EXOC5: variants seen among roughly 807,000 people sequenced by gnomAD.
EXOC5 encodes SEC10-like 1.
EXOC5 carries 17 observed loss-of-function variants against 90.8 expected under a neutral mutation model. The observed-to-expected ratio is 0.19, with a 90% CI of 0.13 to 0.28. The LOEUF is 0.28. EXOC5 is among the 10% of genes least tolerant of loss of function. EXOC5 has a pLI of 1.00. For synonymous variants in EXOC5, 260 were observed against 270.0 expected (o/e 0.96, Z 0.36); for missense variants, 569 against 830.6 (o/e 0.69, Z 3.87).
intron 1 of EXOC5, among the ~76,000 whole-genome samples, chr14:57,265,796 A>G (rs181183440): frequency 1.2e-4 from 18 of 152,360 alleles, no homozygotes; most frequent in Admixed American, 5.9e-4. Flanking sequence ...TCTACACCAC[A>G]TAAGAATCCT....
At chr14:57,252,727 G>A (rs749234164) in intron 1 of EXOC5, among the ~76,000 whole-genome samples, 7 of 152,074 alleles carry the variant, frequency 4.6e-5, no homozygotes, top group South Asian at 2.1e-4. Context: ...ATGTTATGGC[G>A]GTTCCTGAAA....
intron 4 of EXOC5, among the ~76,000 whole-genome samples, chr14:57,242,682 C>T (rs1312231564): frequency 6.6e-6 from 1 of 152,106 alleles, no homozygotes; most frequent in Non-Finnish European, 1.5e-5. Flanking sequence ...GTGCTTTTTC[C>T]TTTTCTTTCC....
At chr14:57,251,122 G>T (rs1218696111) in intron 1 of EXOC5, among the ~76,000 whole-genome samples, 1 of 152,160 alleles carries the variant, frequency 6.6e-6, no homozygotes, top group East Asian at 1.9e-4. Context: ...ATCTTCCCAG[G>T]GGAAGGCTTA....
chr14:57,267,703 T>TA (rs1555330790), intron 1 of EXOC5, among the ~76,000 whole-genome samples: 1 of 152,230 alleles, frequency 6.6e-6, no homozygotes, highest in Non-Finnish European at 1.5e-5. Context: ...TTTCCTATTC[T>TA]ATTATCTCAA....
At chr14:57,232,249 G>C (rs935292244) in intron 10 of EXOC5, 22 of 153,078 alleles carry the variant, frequency 1.4e-4, no homozygotes, top group Non-Finnish European at 2.5e-4. Flanking sequence ...GAAAAGTCAA[G>C]GAAAAAAAAA....
At chr14:57,245,850 CAAGACAA>C (rs1210515128) in intron 3 of EXOC5, among the ~76,000 whole-genome samples, 2 of 151,990 alleles carry the variant, frequency 1.3e-5, no homozygotes, top group Non-Finnish European at 2.9e-5. Context: ...GTCAGGAGTT[CAAGACAA>C]ACCTGGCCAA....
intron 1 of EXOC5, among the ~76,000 whole-genome samples, chr14:57,258,684 C>G (rs1350340066): frequency 6.6e-6 from 1 of 152,208 alleles, no homozygotes; most frequent in African/African-American, 2.4e-5. Context: ...TATCCCAGAA[C>G]TTAATGGTAT....
intron 12 of EXOC5, among the ~76,000 whole-genome samples, chr14:57,229,470 T>A (rs1883411037): frequency 6.6e-6 from 1 of 152,094 alleles, no homozygotes; most frequent in Non-Finnish European, 1.5e-5. Flanking sequence ...ACTGTCATCA[T>A]CCCCTAAACA....
At chr14:57,238,383 C>CAT (rs1566499038) in intron 5 of EXOC5, among the ~76,000 whole-genome samples, 1 of 142,288 alleles carries the variant, frequency 7.0e-6, no homozygotes, top group African/African-American at 2.5e-5. Context: ...TATACACACA[C>CAT]ACACACACAC....
At chr14:57,262,732 C>T (rs1251674871) in intron 1 of EXOC5, among the ~76,000 whole-genome samples, 16 of 144,088 alleles carry the variant, frequency 1.1e-4, no homozygotes, top group African/African-American at 3.9e-4. Context: ...TGTATATATA[C>T]GTATATATGT....
At chr14:57,224,139 G>A (rs1166287832) in intron 12 of EXOC5, among the ~76,000 whole-genome samples, 1 of 151,974 alleles carries the variant, frequency 6.6e-6, no homozygotes, top group African/African-American at 2.4e-5. Flanking sequence ...AATGACCTCA[G>A]CTTCCACCTT....
Position 57,229,758 on chromosome 14 carries a change from T to C in EXOC5, c.1272A>G (p.Lys424=). ...EVVVNLLQET[K]QAFERCHRLS... ...CCCTATGACATCTTTCAAAGGCTTG[T>C]TTGGTTTCTTGTAAAAGATTAACCA... The change falls in exon 12 of 18, where the codon AAA becomes AAG. Residue 424 remains lysine (K), a synonymous_variant. Coordinates refer to ENST00000621441, the MANE Select transcript of EXOC5 (RefSeq NM_006544.4). 1 of 1,524,686 alleles carries C rather than the reference T, an allele frequency of 6.6e-7. No homozygotes were observed. The highest frequency in any genetic ancestry group is 1.4e-5 in the African/African-American group (1 of 72,938). 94.4% of individuals were successfully genotyped at this position (1,524,686 alleles called of 1,614,324 possible). A position where few individuals can be genotyped will look rare whatever the true frequency, so the allele number is the denominator to read the frequency against.
In EXOC5 at chr14:57,219,339, G is replaced by A. The variant is rs769675794; in HGVS notation, c.1509C>T (p.His503=). Reference sequence around the variant, plus strand: ...TGACTAACCTTATTAGTGGCATAAGGTGATCATTAAACTGTTTGTCAAAAA... The same window carrying A: ...TGACTAACCTTATTAGTGGCATAAGATGATCATTAAACTGTTTGTCAAAAA... The part of the protein sequence containing the change: ...FHLFDKQFND[H]LMPLISSSPK... The change falls in exon 14 of 18, where the codon CAC becomes CAT. Residue 503 remains histidine, a synonymous_variant. Transcript: ENST00000621441. 9 of 1,524,530 alleles carry A rather than the reference G, an allele frequency of 5.9e-6. No homozygotes were observed. In the Admixed American group the frequency reaches 8.5e-5, roughly 14 times the overall value. 94.4% of individuals were successfully genotyped at this position (1,524,530 alleles called of 1,614,324 possible).
intron 12 of EXOC5, among the ~76,000 whole-genome samples, chr14:57,228,019 C>T (rs1040944140): frequency 1.3e-5 from 2 of 151,606 alleles, no homozygotes; most frequent in Non-Finnish European, 2.9e-5. Flanking sequence ...CATACACACA[C>T]ACACACACAC....
In EXOC5 at chr14:57,209,445, T is replaced by C. The variant is rs1391036842; in HGVS notation, c.1938+122A>G. 4 of 576,590 alleles carry C rather than the reference T, an allele frequency of 6.9e-6. No homozygotes were observed. In the South Asian group the frequency reaches 1.0e-4, roughly 15 times the overall value. The allele number at this position is 576,590 out of a possible 1,614,324, so 35.7% of individuals were successfully genotyped here. A position where few individuals can be genotyped will look rare whatever the true frequency, so the allele number is the denominator to read the frequency against. ...GTTTCAGGTAGAATGTGATAATCTA[T>C]CTCATACAATATCAACAAAAGTTAT... is the stretch of plus-strand genomic sequence containing the variant. On this transcript the variant is annotated intron_variant, in intron 17 of 17. Transcript: ENST00000621441.
intron 4 of EXOC5, among the ~76,000 whole-genome samples, chr14:57,241,641 T>C (rs1303426765): frequency 6.6e-6 from 1 of 152,222 alleles, no homozygotes; most frequent in African/African-American, 2.4e-5. Context: ...AGCACAGATA[T>C]CTCTTAAGGT....
Position 57,231,397 on chromosome 14 carries a change from A to G in EXOC5, c.1148+109T>C, listed in dbSNP as rs957418162. ...TAATATAACAATCTGGATTAAAAGA[A>G]CTCTTCACAGAAAATTCTAATGATA... On this transcript the variant is annotated intron_variant, in intron 11 of 17. Coordinates refer to ENST00000621441, the MANE Select transcript of EXOC5 (RefSeq NM_006544.4). 1.9e-5 allele frequency: 13 copies of G among 699,354 alleles called. No homozygotes were observed. The Admixed American group carries it at 3.9e-4, about 21-fold the overall frequency. 43.3% of individuals were successfully genotyped at this position (699,354 alleles called of 1,614,324 possible).
chr14:57,224,814 C>T (rs1455420452), intron 12 of EXOC5, among the ~76,000 whole-genome samples: 1 of 152,152 alleles, frequency 6.6e-6, no homozygotes, highest in Non-Finnish European at 1.5e-5. Flanking sequence ...GTAATCTCAG[C>T]ACTTTGGGAA....
intron 12 of EXOC5, 26 bp from the exon 13 acceptor site, chr14:57,222,442 C>CA: frequency 7.5e-7 from 1 of 1,331,608 alleles, no homozygotes; most frequent in African/African-American, 1.5e-5. Flanking sequence ...CAAACAATAT[C>CA]ACTCCTCAAG....
Sources: gnomAD v4.1 joint callset for allele counts (sites outside exome capture counted in the v4.1 genomes callset) on GRCh38, gnomAD v4.1.1 for gene constraint, MANE v1.5 for transcripts, NCBI Gene and HGNC (gene_info 2026-07-23, HGNC 2026-07-21) for gene names.